Variants in OLFM2 observed in about 807,000 individuals in gnomAD.
The protein encoded by OLFM2 is olfactomedin 2.
In OLFM2, 20 loss-of-function variants were observed where a neutral mutation model predicts 43.9. The ratio of observed to expected loss-of-function variants is 0.46; its 90% CI spans 0.32 to 0.66. The LOEUF is 0.66. Ranked by LOEUF, OLFM2 falls within the 30% of genes least tolerant of loss-of-function variation. The pLI, the probability that OLFM2 is intolerant of heterozygous loss-of-function variation, is 0.04. For missense variants in OLFM2, 416 were observed against 643.6 expected, an observed-to-expected ratio of 0.65 and a Z score of 3.83; for synonymous variants, 268 against 278.6, an observed-to-expected ratio of 0.96 and a Z score of 0.38.
chr19:9,862,023 G>GAAA (rs3075649), intron 1 of OLFM2, among the ~76,000 whole-genome samples: 1 of 120,350 alleles, frequency 8.3e-6, no homozygotes, highest in African/African-American at 3.0e-5. Context: ...CCGTCTCAAA[G>GAAA]AAAAAAAAAA....
intron 1 of OLFM2, among the ~76,000 whole-genome samples, chr19:9,883,639 C>A (rs1178765944): frequency 6.6e-6 from 1 of 152,108 alleles, no homozygotes; most frequent in Non-Finnish European, 1.5e-5. Flanking sequence ...CTTCAATCAG[C>A]CTGCATTGTA....
At chr19:9,893,796 C>T (rs941029059) in intron 1 of OLFM2, among the ~76,000 whole-genome samples, 11 of 152,066 alleles carry the variant, frequency 7.2e-5, no homozygotes, top group South Asian at 4.1e-4. Flanking sequence ...AAGCAGAGTT[C>T]GCAGGTCTAT....
At chr19:9,860,162 A>AG (rs1182825223) in intron 2 of OLFM2, among the ~76,000 whole-genome samples, 2 of 151,244 alleles carry the variant, frequency 1.3e-5, no homozygotes, top group Non-Finnish European at 2.9e-5. Flanking sequence ...AAAAAAAAAA[A>AG]AAATACATTG....
intron 1 of OLFM2, among the ~76,000 whole-genome samples, chr19:9,922,808 G>A (rs1230898841): frequency 6.6e-6 from 1 of 151,126 alleles, no homozygotes; most frequent in Admixed American, 6.6e-5. Flanking sequence ...CTACTTGAGA[G>A]GCTGAGGTGG....
chr19:9,913,575 T>C, intron 1 of OLFM2: 2 of 1,281,646 alleles, frequency 1.6e-6, no homozygotes, highest in Non-Finnish European at 2.0e-6. Context: ...ACCATGGCCA[T>C]GGTGCTCAGC....
At position 9,888,665 on chromosome 19, in the gene OLFM2, C is replaced by T. The variant is rs149276546; in HGVS notation, c.64-27871G>A. ...AATTTTGCAAATTATCTTTCTTCCC[C>T]TCCAGAACGTCAGGCAGGAGTTTTT... On this transcript the variant is annotated intron_variant, in intron 1 of 5. Coordinates refer to ENST00000264833, the MANE Select transcript of OLFM2 (RefSeq NM_058164.4). Among the ~76,000 whole-genome samples, 659 of 152,336 alleles carry T rather than the reference C, an allele frequency of 4.3e-3. 5 individuals are homozygous for T. The highest frequency in any genetic ancestry group is 0.015 in the African/African-American group (621 of 41,570).
chr19:9,882,146 G>A (rs2145455511), intron 1 of OLFM2, among the ~76,000 whole-genome samples: 2 of 152,040 alleles, frequency 1.3e-5, no homozygotes, highest in South Asian at 4.2e-4. Context: ...GGCTGAGGAG[G>A]GAGGATCACC....
At chr19:9,879,134 G>A (rs576572319) in intron 1 of OLFM2, among the ~76,000 whole-genome samples, 1 of 151,980 alleles carries the variant, frequency 6.6e-6, no homozygotes, top group Non-Finnish European at 1.5e-5. Context: ...ATGAGATCTC[G>A]CTGTTTGTTT....
intron 1 of OLFM2, among the ~76,000 whole-genome samples, chr19:9,896,509 A>C (rs1599486707): frequency 6.6e-6 from 1 of 151,712 alleles, no homozygotes. Context: ...CCATCCTCCC[A>C]CCCCGGCCTC....
chr19:9,885,559 C>T (rs1434649658), intron 1 of OLFM2, among the ~76,000 whole-genome samples: 4 of 152,174 alleles, frequency 2.6e-5, no homozygotes, highest in Non-Finnish European at 5.9e-5. Flanking sequence ...TTCTCTGGAC[C>T]TGCCCATGGC....
At chr19:9,873,563 T>C (rs1405284808) in intron 1 of OLFM2, among the ~76,000 whole-genome samples, 1 of 152,164 alleles carries the variant, frequency 6.6e-6, no homozygotes, top group African/African-American at 2.4e-5. Context: ...CAAGCAGTTC[T>C]CTTGCTTCAG....
At position 9,877,600 on chromosome 19, in the gene OLFM2, T is replaced by G. The variant is rs532368904; in HGVS notation, c.64-16806A>C. On this transcript the variant is annotated intron_variant, in intron 1 of 5. Transcript: ENST00000264833. Reference sequence around the variant, plus strand: ...TACAATAAAATAAAAATAAAAAAAGTAACAGTGTTGAGAGGTAGCACCTTT... The same window carrying G: ...TACAATAAAATAAAAATAAAAAAAGGAACAGTGTTGAGAGGTAGCACCTTT... Among the ~76,000 whole-genome samples, 21 of 152,050 alleles carry G rather than the reference T, an allele frequency of 1.4e-4. 1 individual carries two copies. In the South Asian group the frequency reaches 4.2e-3, roughly 30 times the overall value.
intron 1 of OLFM2, among the ~76,000 whole-genome samples, chr19:9,877,514 CAA>C (rs1057166624): frequency 1.1e-4 from 16 of 151,072 alleles, no homozygotes; most frequent in Admixed American, 6.6e-4. Flanking sequence ...GCCTGGGCAA[CAA>C]GAGAGAAACT....
At chr19:9,872,794 C>CCATTCATT (rs61455365) in intron 1 of OLFM2, among the ~76,000 whole-genome samples, 4 of 151,086 alleles carry the variant, frequency 2.6e-5, no homozygotes, top group Non-Finnish European at 1.5e-5. Context: ...ATCTGTTTAC[C>CCATTCATT]CATTCATTCA....
At chr19:9,890,375 G>A (rs1450854458) in intron 1 of OLFM2, among the ~76,000 whole-genome samples, 2 of 152,192 alleles carry the variant, frequency 1.3e-5, no homozygotes, top group African/African-American at 4.8e-5. Context: ...TCTGGGGGGA[G>A]GGGGCGGGCA....
At chr19:9,873,421 T>C (rs1200476465) in intron 1 of OLFM2, among the ~76,000 whole-genome samples, 4 of 152,126 alleles carry the variant, frequency 2.6e-5, no homozygotes. Flanking sequence ...CCCAGAGTAT[T>C]GTGTTTACAG....
intron 1 of OLFM2, among the ~76,000 whole-genome samples, chr19:9,926,496 G>A (rs1178685638): frequency 3.3e-5 from 5 of 152,080 alleles, no homozygotes; most frequent in Admixed American, 3.3e-4. Flanking sequence ...AGCTTGCAGT[G>A]AGCTGAGATC....
At chr19:9,913,425 CGGCTGT>C in intron 1 of OLFM2, 4 of 980,172 alleles carry the variant, frequency 4.1e-6, no homozygotes, top group African/African-American at 1.7e-5. Flanking sequence ...GCGGCGGCAG[CGGCTGT>C]GGCGCGGGTA....
intron 1 of OLFM2, among the ~76,000 whole-genome samples, chr19:9,898,100 G>A (rs1259458768): frequency 2.9e-5 from 4 of 139,018 alleles, no homozygotes; most frequent in Non-Finnish European, 4.7e-5. Flanking sequence ...AGACAGACAC[G>A]GGATTTCACC....
Sources: gnomAD v4.1 joint callset for allele counts (sites outside exome capture counted in the v4.1 genomes callset) on GRCh38, gnomAD v4.1.1 for gene constraint, MANE v1.5 for transcripts, NCBI Gene and HGNC (gene_info 2026-07-23, HGNC 2026-07-21) for gene names.